Variants in MPRIP observed in about 807,000 individuals in gnomAD.
MPRIP encodes the protein myosin phosphatase Rho-interacting protein.
In MPRIP, 59 loss-of-function variants were observed where a neutral mutation model predicts 234.9. That is an observed-to-expected ratio of 0.25 (90% CI 0.20 to 0.31). The LOEUF (loss-of-function observed/expected upper bound fraction) is 0.31, where lower values mean the gene tolerates loss of function less well. Among genes scored for constraint, MPRIP ranks in the 10% least tolerant of loss-of-function variants. MPRIP has a pLI of 1.00. For synonymous variants in MPRIP, 1,144 were observed against 1,263.9 expected (o/e 0.91, Z 2.01); for missense variants, 2,436 against 3,071.0 (o/e 0.79, Z 4.89).
intron 1 of MPRIP, among the ~76,000 whole-genome samples, chr17:17,071,504 A>G (rs1329975480): frequency 1.3e-5 from 2 of 152,170 alleles, no homozygotes; most frequent in Non-Finnish European, 2.9e-5. Context: ...TTTGTCTTAT[A>G]CATGATGGCC....
Position 17,113,880 on chromosome 17 carries a change from C to CTTTTTTT in MPRIP, c.268-12818_268-12817insTTTTTTT, listed in dbSNP as rs1236846171. Among the ~76,000 whole-genome samples the CTTTTTTT allele has an allele frequency of 1.6e-3, 150 of 93,176 alleles. 2 individuals are homozygous for CTTTTTTT. Among genetic ancestry groups the CTTTTTTT allele is most frequent in the African/African-American group, 5.9e-3 (111 of 18,936 alleles). 61.1% of individuals were successfully genotyped at this position (93,176 alleles called of 152,430 possible). The stretch of plus-strand genomic sequence containing the variant: ...TGTGATTTGCATTTTCTTTTCTTTT[C>CTTTTTTT]TTTTCTTTTTTTTTTTTTTTTTTTA... On this transcript the variant is annotated intron_variant, in intron 3 of 23. Transcript: ENST00000651222.
At position 17,075,758 on chromosome 17, in the gene MPRIP, G is replaced by C; in HGVS notation, c.172G>C (p.Asp58His). The C allele has an allele frequency of 6.8e-6, 11 of 1,614,020 alleles. No homozygotes were observed. Among genetic ancestry groups the C allele is most frequent in the Non-Finnish European group, 9.3e-6 (11 of 1,180,012 alleles). ...GCTGCTCCTGGCTCCAGATGGGACC[G>C]ACTTTGACAACCCAGTGCACCGGTC... is the stretch of plus-strand genomic sequence containing the variant. Reference protein sequence around the residue: ...GWLLLAPDGTDFDNPVHRSRK... With the variant: ...GWLLLAPDGTHFDNPVHRSRK... Residue 58 changes from aspartate to histidine, a missense_variant, in exon 2 of 24, where the codon GAC (aspartate) becomes CAC (histidine). By Grantham distance (81) the Asp-to-His change is moderately conservative. Around this residue, in one of 4 missense-constraint regions of MPRIP, gnomAD observed 140 missense variants for 207.3 expected, o/e 0.68. Coordinates refer to ENST00000651222, the MANE Select transcript of MPRIP (RefSeq NM_001364716.4).
chr17:17,176,428 C>G lies in MPRIP; in HGVS notation c.6873C>G (p.Val2291=). 1 of 1,612,896 alleles carries G rather than the reference C, an allele frequency of 6.2e-7. No individual in the cohort carries two copies. Among genetic ancestry groups the G allele is most frequent in the Non-Finnish European group, 8.5e-7 (1 of 1,178,908 alleles). Reference sequence around the variant, plus strand: ...CCCTGATCTCTCTGTCATTTTAGGTCTTATTGCGGGTAAAGGAATCGGAAA... The same window carrying G: ...CCCTGATCTCTCTGTCATTTTAGGTGTTATTGCGGGTAAAGGAATCGGAAA... ...AQGKDAYELE[V]LLRVKESEIQ... is the part of the protein sequence containing the mutation. Residue 2291 remains valine, a splice_region_variant and synonymous_variant, in exon 21 of 24, where the codon GTC becomes GTG. Coordinates refer to ENST00000651222, the MANE Select transcript of MPRIP (RefSeq NM_001364716.4).
chr17:17,142,569 A>C, intron 7 of MPRIP, 58 bp from the exon 8 acceptor site: 1 of 1,589,696 alleles, frequency 6.3e-7, no homozygotes, highest in Non-Finnish European at 8.6e-7. Context: ...GAGTCGGCTC[A>C]CTGCCACCTC....
chr17:17,112,138 A>G (rs1183916767), intron 3 of MPRIP, among the ~76,000 whole-genome samples: 1 of 152,110 alleles, frequency 6.6e-6, no homozygotes, highest in Non-Finnish European at 1.5e-5. Flanking sequence ...TGGCAGTGAT[A>G]CACCTCATAC....
At chr17:17,107,626 A>G (rs2090088615) in intron 3 of MPRIP, among the ~76,000 whole-genome samples, 1 of 152,206 alleles carries the variant, frequency 6.6e-6, no homozygotes. Flanking sequence ...TTTGGCACAC[A>G]GGCCCAGGCT....
chr17:17,074,931 A>G (rs567774575), intron 1 of MPRIP, among the ~76,000 whole-genome samples: 1 of 152,282 alleles, frequency 6.6e-6, no homozygotes, highest in East Asian at 1.9e-4. Context: ...GGTGTGAATA[A>G]TACTGCTATG....
At chr17:17,142,288 C>G (rs1441681470) in intron 7 of MPRIP, 1 of 241,606 alleles carries the variant, frequency 4.1e-6, no homozygotes, top group Non-Finnish European at 8.2e-6. Flanking sequence ...TGGAGGCTGC[C>G]TTCCGTGGTG....
rs2088895700 is a variant in MPRIP, at chr17:17,062,438, C to CA, written c.124-13270dup. Among the ~76,000 whole-genome samples the CA allele has an allele frequency of 2.6e-5, 4 of 152,364 alleles. No individual in the cohort carries two copies. In the South Asian group the frequency reaches 8.3e-4, roughly 32 times the overall value. On this transcript the variant is annotated intron_variant, in intron 1 of 23. Coordinates refer to ENST00000651222, the MANE Select transcript of MPRIP (RefSeq NM_001364716.4). ...TAATAGCTGTTTTCTCATCAACTCTCAATCTTTGTCCATCCTTACATGTGT... is the reference window on the plus strand; with the variant it reads ...TAATAGCTGTTTTCTCATCAACTCTCAAATCTTTGTCCATCCTTACATGTGT...
At chr17:17,113,485 T>A (rs2090214441) in intron 3 of MPRIP, among the ~76,000 whole-genome samples, 1 of 152,244 alleles carries the variant, frequency 6.6e-6, no homozygotes. Context: ...TCTTTCCTTT[T>A]TATGGCTGAA....
rs1016055095 is a variant in MPRIP, at chr17:17,189,941, G to A, written c.*5047G>A. 1.3e-5 allele frequency: 2 copies of A among 152,194 alleles called. No homozygotes were observed. Among genetic ancestry groups the A allele is most frequent in the Non-Finnish European group, 2.9e-5 (2 of 68,024 alleles). The allele number at this position is 152,194 out of a possible 1,614,324, so 9.4% of individuals were successfully genotyped here. ...AAAGGACTTGGGAAGAAAGCTGCTGGGAACTTGCTTATTAAAAAGTTCCTT... is the reference window on the plus strand; with the variant it reads ...AAAGGACTTGGGAAGAAAGCTGCTGAGAACTTGCTTATTAAAAAGTTCCTT... On this transcript the variant is annotated 3_prime_UTR_variant, in exon 24 of 24. Transcript: ENST00000651222.
In MPRIP at chr17:17,053,321, C is replaced by G. The variant is rs142756170; in HGVS notation, c.123+10350C>G. On this transcript the variant is annotated intron_variant, in intron 1 of 23. Transcript: ENST00000651222. ...AGCATCTATGCCCCTCATCTGAAAA[C>G]TGGGGGGTTATAATAATAGTACCCA... is the stretch of plus-strand genomic sequence containing the variant. 9.9e-5 allele frequency among the ~76,000 whole-genome samples: 15 copies of G among 152,158 alleles called. No individual in the cohort carries two copies. In the East Asian group the frequency reaches 2.7e-3, roughly 27 times the overall value.
At chr17:17,092,694 G>C (rs1381471637) in intron 3 of MPRIP, among the ~76,000 whole-genome samples, 1 of 152,138 alleles carries the variant, frequency 6.6e-6, no homozygotes, top group African/African-American at 2.4e-5. Context: ...AGCAGGAAAG[G>C]GGAGTAAAGT....
At chr17:17,084,165 C>T (rs1161247064) in intron 3 of MPRIP, among the ~76,000 whole-genome samples, 1 of 152,170 alleles carries the variant, frequency 6.6e-6, no homozygotes, top group African/African-American at 2.4e-5. Flanking sequence ...ACCATAGTGG[C>T]TGCTGTGTCC....
At chr17:17,152,591 C>A (rs914433356) in intron 12 of MPRIP, among the ~76,000 whole-genome samples, 5 of 152,168 alleles carry the variant, frequency 3.3e-5, no homozygotes, top group Non-Finnish European at 7.4e-5. Context: ...AGTGTGAAAG[C>A]ATGTCCCAGA....
chr17:17,110,119 C>T (rs2090141430), intron 3 of MPRIP, among the ~76,000 whole-genome samples: 1 of 152,096 alleles, frequency 6.6e-6, no homozygotes, highest in South Asian at 2.1e-4. Flanking sequence ...TGTTAGTTTC[C>T]TGGAGACCTT....
Position 17,186,690 on chromosome 17 carries a change from G to C in MPRIP, c.*1796G>C, listed in dbSNP as rs1202070427. Reference sequence around the variant, plus strand: ...GTCATGATCGTGTCACTGCACTCCAGCCTGGGTGACAAAGCAAGGCCCCAT... The same window carrying C: ...GTCATGATCGTGTCACTGCACTCCACCCTGGGTGACAAAGCAAGGCCCCAT... On this transcript the variant is annotated 3_prime_UTR_variant, in exon 24 of 24. Coordinates refer to ENST00000651222, the MANE Select transcript of MPRIP (RefSeq NM_001364716.4). 1 of 152,216 alleles carries C rather than the reference G, an allele frequency of 6.6e-6. No homozygotes were observed. The highest frequency in any genetic ancestry group is 1.5e-5 in the Non-Finnish European group (1 of 68,074). The allele number at this position is 152,216 out of a possible 1,614,324, so 9.4% of individuals were successfully genotyped here.
At chr17:17,046,209 G>T (rs1597706329) in intron 1 of MPRIP, among the ~76,000 whole-genome samples, 1 of 152,298 alleles carries the variant, frequency 6.6e-6, no homozygotes, top group East Asian at 1.9e-4. Context: ...TTCTTTTCAT[G>T]GTGTTGCATA....
chr17:17,091,338 G>A (rs1415298923), intron 3 of MPRIP, among the ~76,000 whole-genome samples: 2 of 152,106 alleles, frequency 1.3e-5, no homozygotes, highest in Non-Finnish European at 1.5e-5. Context: ...TGACAGATGA[G>A]GAAACTGAGA....
Sources: allele counts gnomAD v4.1 joint callset (sites outside exome capture counted in the v4.1 genomes callset), GRCh38; gene constraint gnomAD v4.1.1; regional missense constraint gnomAD v4.1.1; transcripts MANE v1.5; gene names NCBI Gene and HGNC (gene_info 2026-07-23, HGNC 2026-07-21).